Variants in RANBP2 observed in about 807,000 individuals in gnomAD.
RANBP2 encodes E3 SUMO-protein ligase RanBP2.
Under a neutral mutation model 303.6 loss-of-function variants are expected in RANBP2, and 57 were observed. That is an observed-to-expected ratio of 0.19 (90% CI 0.15 to 0.23). The LOEUF is 0.23. Among genes scored for constraint, RANBP2 ranks in the 10% least tolerant of loss-of-function variants. The pLI, the probability that RANBP2 is intolerant of heterozygous loss-of-function variation, is 1.00. For synonymous variants in RANBP2, 1,167 were observed against 1,301.5 expected, an observed-to-expected ratio of 0.90 and a Z score of 2.23; for missense variants, 3,138 against 3,780.8, an observed-to-expected ratio of 0.83 and a Z score of 4.46.
At chr2:109,545,513 C>T in the RANBP2 span, 2 of 1,535,940 alleles carry the variant, frequency 1.3e-6, no homozygotes, top group Non-Finnish European at 1.7e-6. Flanking sequence ...GACATCAATG[C>T]ACAGGAGTTC....
At chr2:109,231,996 TG>T in the RANBP2 span, among the ~76,000 whole-genome samples, 1 of 152,232 alleles carries the variant, frequency 6.6e-6, no homozygotes. Flanking sequence ...TTAGTACTGA[TG>T]TGTATGAATC....
chr2:109,170,281 TCTC>T, the RANBP2 span, among the ~76,000 whole-genome samples: 1,005 of 107,912 alleles, frequency 9.3e-3, 32 homozygotes, highest in African/African-American at 0.028. Context: ...TCTCTTCTCT[TCTC>T]TTCTCTTCTC....
chr2:108,983,123 C>T, the RANBP2 span, among the ~76,000 whole-genome samples: 6 of 152,126 alleles, frequency 3.9e-5, no homozygotes, highest in Non-Finnish European at 7.4e-5. Flanking sequence ...CTGTCAGTGC[C>T]CTCCCTTGGC....
chr2:109,261,353 A>G, the RANBP2 span, among the ~76,000 whole-genome samples: 1 of 152,356 alleles, frequency 6.6e-6, no homozygotes, highest in Admixed American at 6.5e-5. Flanking sequence ...CAAGAGCTCT[A>G]GTTAATCATG....
chr2:108,794,459 T>C, the RANBP2 span: 1 of 1,243,890 alleles, frequency 8.0e-7, no homozygotes, highest in Non-Finnish European at 1.1e-6. Flanking sequence ...ACTTAAAGCA[T>C]CTCTTCCTAA....
At chr2:109,526,745 G>A in the RANBP2 span, among the ~76,000 whole-genome samples, 3 of 152,022 alleles carry the variant, frequency 2.0e-5, no homozygotes, top group Non-Finnish European at 4.4e-5. Context: ...TATTCTCCCC[G>A]GCTCTTGGGT....
the RANBP2 span, among the ~76,000 whole-genome samples, chr2:108,800,313 G>A: frequency 1.3e-5 from 2 of 152,168 alleles, no homozygotes; most frequent in Admixed American, 1.3e-4. Flanking sequence ...CATCCAGGCT[G>A]GAGTACAGTG....
chr2:109,557,184 A>T, the RANBP2 span, among the ~76,000 whole-genome samples: 495 of 152,230 alleles, frequency 3.3e-3, 2 homozygotes, highest in Non-Finnish European at 4.3e-3. Flanking sequence ...AAAAAATTTA[A>T]AAAAAATTAT....
chr2:109,298,627 A>G, the RANBP2 span, among the ~76,000 whole-genome samples: 1 of 151,982 alleles, frequency 6.6e-6, no homozygotes, highest in Non-Finnish European at 1.5e-5. Flanking sequence ...GTGTCAGTCA[A>G]ATGCTCCTCG....
At chr2:109,121,286 AAACAAAAC>A in the RANBP2 span, among the ~76,000 whole-genome samples, 4 of 151,144 alleles carry the variant, frequency 2.6e-5, no homozygotes, top group South Asian at 8.4e-4. Context: ...AAACAAAACA[AAACAAAAC>A]AAGAAGTGAA....
At chr2:109,774,668 A>G in the RANBP2 span, among the ~76,000 whole-genome samples, 6 of 56,658 alleles carry the variant, frequency 1.1e-4, no homozygotes, top group Non-Finnish European at 1.7e-4. Flanking sequence ...TGTTCAAGCT[A>G]TTACAGGTTT....
At chr2:109,408,898 G>A in the RANBP2 span, among the ~76,000 whole-genome samples, 1 of 152,228 alleles carries the variant, frequency 6.6e-6, no homozygotes, top group Non-Finnish European at 1.5e-5. Context: ...GAGGCAACAG[G>A]CGAGTGAGAG....
the RANBP2 span, among the ~76,000 whole-genome samples, chr2:109,043,629 C>T: frequency 2.0e-5 from 3 of 152,154 alleles, 1 homozygote; most frequent in South Asian, 6.2e-4. Context: ...GCCACCGTGC[C>T]TGGCCCGAAT....
the RANBP2 span, among the ~76,000 whole-genome samples, chr2:109,365,481 T>G: frequency 6.6e-6 from 1 of 152,210 alleles, no homozygotes; most frequent in Admixed American, 6.5e-5. Context: ...CTTACAGATC[T>G]AAGAAGAGGA....
At chr2:109,409,071 G>A in the RANBP2 span, among the ~76,000 whole-genome samples, 41 of 152,332 alleles carry the variant, frequency 2.7e-4, no homozygotes, top group African/African-American at 7.9e-4. Context: ...CCTTGTTGAC[G>A]TTTTGAGATT....
chr2:109,148,380 C>T, the RANBP2 span, among the ~76,000 whole-genome samples: 7 of 152,218 alleles, frequency 4.6e-5, no homozygotes, highest in African/African-American at 1.7e-4. Flanking sequence ...AGCTCATGAG[C>T]CAGCCATCAT....
chr2:109,602,107 G>A, the RANBP2 span, among the ~76,000 whole-genome samples: 1 of 152,090 alleles, frequency 6.6e-6, no homozygotes, highest in Admixed American at 6.5e-5. Flanking sequence ...TTCCAACAGC[G>A]GCACAGTAAC....
the RANBP2 span, among the ~76,000 whole-genome samples, chr2:108,870,328 GA>G: frequency 1.3e-5 from 2 of 152,012 alleles, no homozygotes; most frequent in Admixed American, 6.6e-5. Context: ...CAAAATCAAA[GA>G]AAAAAGAAAA....
chr2:109,562,479 A>G, the RANBP2 span, among the ~76,000 whole-genome samples: 4 of 151,924 alleles, frequency 2.6e-5, no homozygotes, highest in Non-Finnish European at 5.9e-5. Flanking sequence ...CATACACCCA[A>G]TGACTAGCAT....
Sources: gnomAD v4.1 joint callset for allele counts (sites outside exome capture counted in the v4.1 genomes callset) on GRCh38, gnomAD v4.1.1 for gene constraint, MANE v1.5 for transcripts, NCBI Gene and HGNC (gene_info 2026-07-23, HGNC 2026-07-21) for gene names.